Variants in DPYD observed in about 807,000 individuals in gnomAD.
DPYD encodes dihydropyrimidine dehydrogenase [NADP(+)].
A neutral mutation model predicts 116.2 loss-of-function variants in DPYD; 109 were observed. That is an observed-to-expected ratio of 0.94 (90% CI 0.80 to 1.10). The LOEUF is 1.10. Ranked by LOEUF, DPYD falls within the 50% of genes least tolerant of loss-of-function variation. DPYD has a pLI of 0.00. For synonymous variants in DPYD, 440 were observed against 432.0 expected (o/e 1.02, Z -0.23); for missense variants, 1,302 against 1,254.5 (o/e 1.04, Z -0.57).
chr1:97,281,314 T>C (rs1665307209), intron 18 of DPYD, among the ~76,000 whole-genome samples: 2 of 150,576 alleles, frequency 1.3e-5, no homozygotes, highest in Admixed American at 1.3e-4. Flanking sequence ...AAACAAGAAA[T>C]TAAAAGGAAA....
At chr1:97,801,584 A>G (rs763686515) in intron 3 of DPYD, among the ~76,000 whole-genome samples, 1 of 151,962 alleles carries the variant, frequency 6.6e-6, no homozygotes, top group Non-Finnish European at 1.5e-5. Flanking sequence ...TATAAGTTGA[A>G]TTCCAATTTT....
chr1:97,423,617 T>C (rs1349617337), intron 14 of DPYD, among the ~76,000 whole-genome samples: 1 of 152,058 alleles, frequency 6.6e-6, no homozygotes, highest in African/African-American at 2.4e-5. Flanking sequence ...GAGAGGCAGA[T>C]TGAATAGGTC....
intron 18 of DPYD, among the ~76,000 whole-genome samples, chr1:97,257,266 T>A (rs1326926663): frequency 6.6e-6 from 1 of 151,810 alleles, no homozygotes; most frequent in Admixed American, 6.6e-5. Context: ...ATCTCTATAT[T>A]TGATATCTTG....
chr1:97,448,710 A>G (rs576691100), intron 14 of DPYD, among the ~76,000 whole-genome samples: 13 of 151,718 alleles, frequency 8.6e-5, no homozygotes, highest in Admixed American at 7.9e-4. Flanking sequence ...ATTCTCATAT[A>G]GAGTTAATTA....
intron 1 of DPYD, among the ~76,000 whole-genome samples, chr1:97,905,323 C>A (rs1673555450): frequency 6.6e-6 from 1 of 151,864 alleles, no homozygotes; most frequent in Non-Finnish European, 1.5e-5. Context: ...TTTTTTCAGT[C>A]CTCAATATGA....
chr1:97,389,444 A>G (rs1217691114), intron 14 of DPYD, among the ~76,000 whole-genome samples: 1 of 152,106 alleles, frequency 6.6e-6, no homozygotes, highest in Non-Finnish European at 1.5e-5. Context: ...AGTAAAAATC[A>G]AAGGACAAGT....
chr1:97,662,033 C>T (rs1203590589), intron 8 of DPYD, among the ~76,000 whole-genome samples: 11 of 136,692 alleles, frequency 8.0e-5, no homozygotes, highest in South Asian at 2.3e-4. Flanking sequence ...CTCGCTCCGT[C>T]GCCCAGGCTG....
intron 16 of DPYD, among the ~76,000 whole-genome samples, chr1:97,340,292 G>A (rs1340425584): frequency 6.6e-6 from 1 of 152,030 alleles, no homozygotes; most frequent in Non-Finnish European, 1.5e-5. Context: ...AAGATAATTA[G>A]TGATATAATG....
chr1:97,240,097 T>C (rs1464264038), intron 18 of DPYD, among the ~76,000 whole-genome samples: 2 of 152,028 alleles, frequency 1.3e-5, no homozygotes, highest in Non-Finnish European at 2.9e-5. Flanking sequence ...CTTTATCCTC[T>C]GAAACCTTAA....
Position 97,404,119 on chromosome 1 carries a change from G to A in DPYD, c.1906-21658C>T, listed in dbSNP as rs74638878. Among the ~76,000 whole-genome samples, 276 of 151,758 alleles carry A rather than the reference G, an allele frequency of 1.8e-3. 1 individual carries two copies. Among genetic ancestry groups the A allele is most frequent in the African/African-American group, 6.2e-3 (258 of 41,430 alleles). On this transcript the variant is annotated intron_variant, in intron 14 of 22. Transcript: ENST00000370192. ...GATTTTCCAGATATATTTTGTTAGC[G>A]GTGTCTAATTTAATTCCATTGTGTT... is the stretch of plus-strand genomic sequence containing the variant.
chr1:97,226,398 A>G (rs1007640037), intron 19 of DPYD, among the ~76,000 whole-genome samples: 1 of 152,120 alleles, frequency 6.6e-6, no homozygotes, highest in Non-Finnish European at 1.5e-5. Context: ...ATTAATTAGG[A>G]AGAAAAAGAA....
At chr1:97,231,035 A>G in intron 19 of DPYD, among the ~76,000 whole-genome samples, 1 of 152,336 alleles carries the variant, frequency 6.6e-6, no homozygotes, top group South Asian at 2.1e-4. Context: ...TTCTATGAGG[A>G]CACATAGTAC....
chr1:97,719,461 A>G (rs955150725), intron 5 of DPYD, among the ~76,000 whole-genome samples: 3 of 151,994 alleles, frequency 2.0e-5, no homozygotes, highest in African/African-American at 7.2e-5. Flanking sequence ...TTAAAGGTCA[A>G]AAAACAATCA....
intron 20 of DPYD, among the ~76,000 whole-genome samples, chr1:97,116,296 G>A (rs544744757): frequency 3.9e-4 from 60 of 152,156 alleles, no homozygotes; most frequent in African/African-American, 1.4e-3. Context: ...CCTGCACCAC[G>A]ACTGCCTTTT....
chr1:97,130,318 TG>T (rs1653183094), intron 20 of DPYD, among the ~76,000 whole-genome samples: 1 of 152,186 alleles, frequency 6.6e-6, no homozygotes, highest in South Asian at 2.1e-4. Flanking sequence ...ATCAGAGATG[TG>T]GTTCTAGAAC....
chr1:97,809,780 T>C (rs1668257237), intron 3 of DPYD, among the ~76,000 whole-genome samples: 2 of 152,028 alleles, frequency 1.3e-5, no homozygotes, highest in South Asian at 4.1e-4. Context: ...ATTGAAGGAA[T>C]AGAGGCCAGC....
chr1:97,166,488 A>G (rs549983953), intron 20 of DPYD, among the ~76,000 whole-genome samples: 1 of 152,256 alleles, frequency 6.6e-6, no homozygotes. Flanking sequence ...CTGTGTGACA[A>G]AATAATCTGT....
At chr1:97,270,470 A>G (rs1272018770) in intron 18 of DPYD, among the ~76,000 whole-genome samples, 1 of 152,214 alleles carries the variant, frequency 6.6e-6, no homozygotes, top group African/African-American at 2.4e-5. Flanking sequence ...ATCATTAACT[A>G]CAACATTTAC....
intron 16 of DPYD, among the ~76,000 whole-genome samples, chr1:97,359,684 C>T (rs1344041278): frequency 6.6e-6 from 1 of 152,226 alleles, no homozygotes; most frequent in East Asian, 1.9e-4. Context: ...AATTTTCAAC[C>T]CAAATTTCAT....
Sources: allele counts gnomAD v4.1 joint callset (sites outside exome capture counted in the v4.1 genomes callset), GRCh38; gene constraint gnomAD v4.1.1; transcripts MANE v1.5; gene names NCBI Gene and HGNC (gene_info 2026-07-23, HGNC 2026-07-21).